HMBOX1: variants seen among roughly 807,000 people sequenced by gnomAD.
The protein encoded by HMBOX1 is homeobox containing 1.
In HMBOX1, 14 loss-of-function variants were observed where a neutral mutation model predicts 54.5. The observed-to-expected ratio is 0.26, with a 90% CI of 0.17 to 0.40. The LOEUF is 0.40. Ranked by LOEUF, HMBOX1 falls within the 10% of genes least tolerant of loss-of-function variation. The probability of loss-of-function intolerance (pLI) is 1.00; values close to 1 mark genes in which losing one functional copy is unlikely to be tolerated. For synonymous variants in HMBOX1, 160 were observed against 181.0 expected (o/e 0.88, Z 0.93); for missense variants, 332 against 514.4 (o/e 0.65, Z 3.43).
chr8:28,989,677 C>T (rs1830695810), intron 4 of HMBOX1, among the ~76,000 whole-genome samples: 1 of 152,134 alleles, frequency 6.6e-6, no homozygotes. Context: ...TCACTATTGA[C>T]TTTATAGGTC....
At chr8:28,945,944 CTTT>C (rs58698981) in intron 1 of HMBOX1, among the ~76,000 whole-genome samples, 2 of 129,244 alleles carry the variant, frequency 1.5e-5, no homozygotes, top group Admixed American at 7.8e-5. Context: ...AGGGCATATT[CTTT>C]TTTTTTTTTT....
chr8:28,967,989 A>G (rs973454825), intron 2 of HMBOX1, among the ~76,000 whole-genome samples: 4 of 152,214 alleles, frequency 2.6e-5, no homozygotes, highest in Admixed American at 2.6e-4. Flanking sequence ...GGAAGATTTC[A>G]TCTACAGTTC....
chr8:28,906,540 G>T (rs1056576310), intron 1 of HMBOX1, among the ~76,000 whole-genome samples: 1 of 152,080 alleles, frequency 6.6e-6, no homozygotes, highest in South Asian at 2.1e-4. Flanking sequence ...CAAACATGAC[G>T]TATGTAGAGA....
At chr8:28,921,718 T>C (rs150870582) in intron 1 of HMBOX1, among the ~76,000 whole-genome samples, 1 of 152,354 alleles carries the variant, frequency 6.6e-6, no homozygotes, top group Non-Finnish European at 1.5e-5. Context: ...TGCTTATATT[T>C]AATTTTAAAA....
rs1271105248 is a variant in HMBOX1 at position 29,022,730 on chromosome 8, G to A, written c.851+3817G>A. ...GCTTATAACTTATTTTAAAATGGAG[G>A]AATAAACCATAAAATAAATGGTTAT... On this transcript the variant is annotated intron_variant, in intron 6 of 9. Transcript: ENST00000287701. Among the ~76,000 whole-genome samples the A allele has an allele frequency of 3.9e-5, 6 of 151,902 alleles. No individual in the cohort carries two copies. The East Asian group carries it at 1.2e-3, about 29-fold the overall frequency.
rs569046209 is a variant in HMBOX1 at position 29,009,832 on chromosome 8, A to T, written c.697+650A>T. Reference sequence around the variant, plus strand: ...TCAAGATACTAACAGGTGATTTTATAAAGTGAAATCTGAAGTTATGGGACT... The same window carrying T: ...TCAAGATACTAACAGGTGATTTTATTAAGTGAAATCTGAAGTTATGGGACT... On this transcript the variant is annotated intron_variant, in intron 5 of 9. Coordinates refer to ENST00000287701, the MANE Select transcript of HMBOX1 (RefSeq NM_001135726.3). The T allele has an allele frequency of 9.1e-5, 111 of 1,219,866 alleles. No individual in the cohort carries two copies. In the African/African-American group the frequency reaches 1.6e-3, roughly 18 times the overall value. The allele number at this position is 1,219,866 out of a possible 1,614,324, so 75.6% of individuals were successfully genotyped here.
At chr8:28,941,267 C>CA (rs1193664896) in intron 1 of HMBOX1, among the ~76,000 whole-genome samples, 1 of 152,046 alleles carries the variant, frequency 6.6e-6, no homozygotes, top group Non-Finnish European at 1.5e-5. Context: ...AATAGGAAAA[C>CA]ATCAGTTAGA....
chr8:28,970,311 T>C lies in HMBOX1; in HGVS notation c.292T>C (p.Ser98Pro), dbSNP rs761539473. The C allele has an allele frequency of 6.2e-7, 1 of 1,614,158 alleles. No individual in the cohort carries two copies. Among genetic ancestry groups the C allele is most frequent in the Non-Finnish European group, 8.5e-7 (1 of 1,180,030 alleles). ...ASTQTQHSGMSPSPSNSYDTS... is the reference protein window; with the variant it reads ...ASTQTQHSGMPPSPSNSYDTS... ...CACACAGACGCAGCATTCGGGAATG[T>C]CCCCGTCACCTAGCAACAGTTATGA... is the stretch of plus-strand genomic sequence containing the variant. Residue 98 changes from serine (S) to proline (P), a missense_variant, in exon 3 of 10, where the codon TCC (serine) becomes CCC (proline). Physicochemically the swap from Ser to Pro is moderately conservative, Grantham distance 74. Around this residue, in one of 4 missense-constraint regions of HMBOX1, gnomAD observed 146 missense variants for 173.3 expected, o/e 0.84. Transcript: ENST00000287701. This position sits in a 1 kb window ranked among gnomAD's most constrained non-coding sequence, Gnocchi z 4.3.
intron 6 of HMBOX1, among the ~76,000 whole-genome samples, chr8:29,026,802 T>C (rs1465511794): frequency 5.9e-5 from 9 of 152,342 alleles, no homozygotes; most frequent in Admixed American, 5.2e-4. Context: ...TGATGGTTTT[T>C]AATTTGTGGA....
Position 29,051,757 on chromosome 8 carries a change from G to C in HMBOX1, c.*602G>C, listed in dbSNP as rs1806451127. The C allele has an allele frequency of 1.7e-6, 1 of 586,190 alleles. No individual in the cohort carries two copies. Among genetic ancestry groups the C allele is most frequent in the Non-Finnish European group, 3.1e-6 (1 of 318,628 alleles). The allele number at this position is 586,190 out of a possible 1,614,324, so 36.3% of individuals were successfully genotyped here. ...TGTGCTAAGAATGTCAATGGAAAAA[G>C]CCGATCTCAGATTTTGTTTGAAGTT... On this transcript the variant is annotated 3_prime_UTR_variant, in exon 10 of 10. Coordinates refer to ENST00000287701, the MANE Select transcript of HMBOX1 (RefSeq NM_001135726.3).
intron 4 of HMBOX1, among the ~76,000 whole-genome samples, chr8:28,994,188 G>A (rs1831440031): frequency 6.6e-6 from 1 of 151,348 alleles, no homozygotes; most frequent in Non-Finnish European, 1.5e-5. Flanking sequence ...AAAGGCGGGG[G>A]GATGGGGGAG....
chr8:28,913,244 A>G (rs939867361), intron 1 of HMBOX1, among the ~76,000 whole-genome samples: 1 of 152,238 alleles, frequency 6.6e-6, no homozygotes, highest in Non-Finnish European at 1.5e-5. Context: ...GGTAAAGTCC[A>G]AACTATTTAA....
At chr8:29,032,290 T>C (rs1803110369) in intron 6 of HMBOX1, among the ~76,000 whole-genome samples, 1 of 150,850 alleles carries the variant, frequency 6.6e-6, no homozygotes, top group Non-Finnish European at 1.5e-5. Flanking sequence ...AGGAGGGGGG[T>C]GGATTTTCTG....
At position 29,033,200 on chromosome 8, in the gene HMBOX1, G is replaced by A. The variant is rs114929347; in HGVS notation, c.852-12161G>A. On this transcript the variant is annotated intron_variant, in intron 6 of 9. Transcript: ENST00000287701. ...GCTGGTCTTCCTTCCTGTCTCTTCTGATGTCATTGCTGTTCTAAGAGAACA... is the reference window on the plus strand; with the variant it reads ...GCTGGTCTTCCTTCCTGTCTCTTCTAATGTCATTGCTGTTCTAAGAGAACA... 3.1e-3 allele frequency among the ~76,000 whole-genome samples: 473 copies of A among 152,186 alleles called. 4 individuals are homozygous for A. The highest frequency in any genetic ancestry group is 0.011 in the African/African-American group (456 of 41,516).
chr8:28,939,288 TAAAAA>T (rs781363581), intron 1 of HMBOX1, among the ~76,000 whole-genome samples: 1 of 130,342 alleles, frequency 7.7e-6, no homozygotes, highest in African/African-American at 2.8e-5. Context: ...AAACTCCGTC[TAAAAA>T]AAAAAAAAAG....
intron 3 of HMBOX1, among the ~76,000 whole-genome samples, chr8:28,979,815 A>G (rs1829047401): frequency 6.6e-6 from 1 of 152,202 alleles, no homozygotes; most frequent in Non-Finnish European, 1.5e-5. Context: ...GTGATTAACC[A>G]TCCTCTGGTA....
intron 1 of HMBOX1, among the ~76,000 whole-genome samples, chr8:28,904,007 C>G (rs567183399): frequency 3.9e-5 from 6 of 152,146 alleles, no homozygotes; most frequent in Non-Finnish European, 5.9e-5. Flanking sequence ...CTCCCGCTCC[C>G]AACAGATAAT....
At chr8:28,900,328 C>T (rs1585645769) in intron 1 of HMBOX1, among the ~76,000 whole-genome samples, 1 of 145,546 alleles carries the variant, frequency 6.9e-6, no homozygotes, top group Middle Eastern at 3.6e-3. Flanking sequence ...TTCCTAAAAT[C>T]TGAGATGGGC....
chr8:28,967,834 G>A (rs751097429), intron 2 of HMBOX1, among the ~76,000 whole-genome samples: 9 of 152,180 alleles, frequency 5.9e-5, no homozygotes, highest in Non-Finnish European at 1.3e-4. Flanking sequence ...TTACAAGTGA[G>A]TATTGGAAGA....
Sources: allele counts gnomAD v4.1 joint callset (sites outside exome capture counted in the v4.1 genomes callset), GRCh38; gene constraint gnomAD v4.1.1; regional missense constraint gnomAD v4.1.1; non-coding constraint Gnocchi (gnomAD v3.1); transcripts MANE v1.5; gene names NCBI Gene and HGNC (gene_info 2026-07-23, HGNC 2026-07-21).